Variants in KIF13B observed in about 807,000 individuals in gnomAD.
KIF13B encodes the protein kinesin family member 13B.
Under a neutral mutation model 222.0 loss-of-function variants are expected in KIF13B, and 127 were observed. The observed-to-expected ratio is 0.57, with a 90% confidence interval of 0.50 to 0.66. The LOEUF (loss-of-function observed/expected upper bound fraction) is 0.66, where lower values mean the gene tolerates loss of function less well. Ranked by LOEUF, KIF13B falls within the 30% of genes least tolerant of loss-of-function variation. KIF13B has a pLI of 0.00. For missense variants in KIF13B, 2,173 were observed against 2,379.0 expected, an observed-to-expected ratio of 0.91 and a Z score of 1.80; for synonymous variants, 976 against 919.0, an observed-to-expected ratio of 1.06 and a Z score of -1.12.
intron 37 of KIF13B, among the ~76,000 whole-genome samples, chr8:29,089,233 G>A (rs573544825): frequency 1.3e-5 from 2 of 152,146 alleles, no homozygotes; most frequent in South Asian, 2.1e-4. Flanking sequence ...AGGAGTTCAA[G>A]ACCAACCTGG....
In KIF13B at chr8:29,147,574, T is replaced by C. The variant is rs1586842138; in HGVS notation, c.1842A>G (p.Leu614=). The C allele has an allele frequency of 2.5e-6, 4 of 1,613,186 alleles. No individual in the cohort carries two copies. The highest frequency in any genetic ancestry group is 3.4e-6 in the Non-Finnish European group (4 of 1,179,672). The change falls in exon 17 of 40, where the codon TTA becomes TTG. Residue 614 remains leucine (L), a synonymous_variant. Transcript: ENST00000524189. The part of the protein sequence containing the change: ...NDPMQSILNS[L]EQQHEEEKRS... The stretch of plus-strand genomic sequence containing the variant: ...GTTTTTCTTCTTCATGCTGTTGTTC[T>C]AAGCTGTTTAATATGGACTGCATCG...
In KIF13B at chr8:29,241,083, A is replaced by G. The variant is rs1485817180; in HGVS notation, c.149+4263T>C. ...CCATCAACTGATGAATGGATAAACA[A>G]AATGTGATACAACAGACTATTATTT... On this transcript the variant is annotated intron_variant, in intron 2 of 39. Coordinates refer to ENST00000524189, the MANE Select transcript of KIF13B (RefSeq NM_015254.4). Among the ~76,000 whole-genome samples the G allele has an allele frequency of 2.0e-5, 3 of 152,254 alleles. No homozygotes were observed. The East Asian group carries it at 5.8e-4, about 29-fold the overall frequency.
At chr8:29,205,112 C>T (rs1813870336) in intron 2 of KIF13B, among the ~76,000 whole-genome samples, 1 of 151,962 alleles carries the variant, frequency 6.6e-6, no homozygotes, top group Non-Finnish European at 1.5e-5. Flanking sequence ...TCGCTTCAGC[C>T]CAGGAGATGG....
At chr8:29,131,944 T>A (rs1041205360) in intron 23 of KIF13B, among the ~76,000 whole-genome samples, 4 of 152,182 alleles carry the variant, frequency 2.6e-5, no homozygotes, top group African/African-American at 9.7e-5. Flanking sequence ...TAGCAATTTT[T>A]AAAAATTATA....
chr8:29,243,064 C>T (rs760131729), intron 2 of KIF13B, among the ~76,000 whole-genome samples: 5 of 152,146 alleles, frequency 3.3e-5, no homozygotes, highest in South Asian at 2.1e-4. Flanking sequence ...ATGTAGTAAC[C>T]GGTCGGGTGT....
intron 22 of KIF13B, among the ~76,000 whole-genome samples, chr8:29,133,010 A>G (rs1026210079): frequency 2.0e-5 from 3 of 152,238 alleles, no homozygotes; most frequent in Non-Finnish European, 4.4e-5. Flanking sequence ...ACAGTTTATT[A>G]AAGAAATCAC....
At chr8:29,190,905 T>TC in intron 4 of KIF13B, 92 bp downstream of exon 4, 1 of 927,614 alleles carries the variant, frequency 1.1e-6, no homozygotes, top group Non-Finnish European at 1.8e-6. Context: ...AACACACAGT[T>TC]TGGGGGGTTT....
chr8:29,135,765 C>T (rs1810525211), intron 21 of KIF13B, among the ~76,000 whole-genome samples: 1 of 152,180 alleles, frequency 6.6e-6, no homozygotes, highest in Non-Finnish European at 1.5e-5. Flanking sequence ...TGTGGTGGCA[C>T]ATGCCTGTAG....
rs71222593 is a variant in KIF13B, at chr8:29,136,585, A to AAATT, written c.2614-2379_2614-2376dup. ...GCAACAAGAGCGAAACTCCGCTCAAAAATTAATTAATTAATTAATTAATTA... is the reference window on the plus strand; with the variant it reads ...GCAACAAGAGCGAAACTCCGCTCAAAAATTAATTAATTAATTAATTAATTAATTA... On this transcript the variant is annotated intron_variant, in intron 21 of 39. Transcript: ENST00000524189. Among the ~76,000 whole-genome samples the AAATT allele has an allele frequency of 3.1e-3, 462 of 151,256 alleles. 2 individuals are homozygous for AAATT. Among genetic ancestry groups the AAATT allele is most frequent in the African/African-American group, 9.9e-3 (407 of 41,160 alleles).
intron 37 of KIF13B, among the ~76,000 whole-genome samples, chr8:29,080,541 G>A (rs961882194): frequency 6.6e-6 from 1 of 152,160 alleles, no homozygotes; most frequent in African/African-American, 2.4e-5. Context: ...CACCCTGTGC[G>A]CCTGGAGGCT....
intron 8 of KIF13B, 108 bp downstream of exon 8, chr8:29,179,996 A>T: frequency 8.0e-7 from 1 of 1,244,212 alleles, no homozygotes; most frequent in Non-Finnish European, 1.1e-6. Flanking sequence ...CCTCATTGAT[A>T]CACAAGTCTA....
chr8:29,071,359 C>A lies in KIF13B; in HGVS notation c.5218+261G>T, dbSNP rs947359787. ...AGGGCAGGGGAGACCGGAACAAAAG[C>A]GGGAACAGCCATGGCGATGGGGGGA... On this transcript the variant is annotated intron_variant, in intron 39 of 39. Transcript: ENST00000524189. The surrounding 1 kb of genome is among the most constrained non-coding windows in gnomAD (Gnocchi z 4.9). Among the ~76,000 whole-genome samples the A allele has an allele frequency of 2.0e-5, 3 of 152,202 alleles. No homozygotes were observed. In the East Asian group the frequency reaches 5.8e-4, roughly 29 times the overall value.
At position 29,179,682 on chromosome 8, in the gene KIF13B, G is replaced by C. The variant is rs1041382519; in HGVS notation, c.720+422C>G. ...TCTTTCTGCTGGCAGCGGGACTGGG[G>C]AAATGCAAGCACATTCTCCAGGTTC... On this transcript the variant is annotated intron_variant, in intron 8 of 39. Coordinates refer to ENST00000524189, the MANE Select transcript of KIF13B (RefSeq NM_015254.4). Among the ~76,000 whole-genome samples the C allele has an allele frequency of 3.9e-5, 6 of 152,314 alleles. No individual in the cohort carries two copies. In the East Asian group the frequency reaches 1.2e-3, roughly 29 times the overall value.
Position 29,228,472 on chromosome 8 carries a change from A to AAAAAATATATATATAT in KIF13B, c.149+16873_149+16874insATATATATATATTTTT. Reference sequence around the variant, plus strand: ...ACAGAGCCAGACTCCATCTTAAAAAAATATATATATATATATATGAGATAC... The same window carrying AAAAAATATATATATAT: ...ACAGAGCCAGACTCCATCTTAAAAAAAAAAATATATATATATATATATATATATATATATGAGATAC... On this transcript the variant is annotated intron_variant, in intron 2 of 39. Coordinates refer to ENST00000524189, the MANE Select transcript of KIF13B (RefSeq NM_015254.4). Among the ~76,000 whole-genome samples the AAAAAATATATATATAT allele has an allele frequency of 4.1e-3, 483 of 117,052 alleles. 13 individuals carry two copies. Among genetic ancestry groups the AAAAAATATATATATAT allele is most frequent in the Middle Eastern group, 0.018 (4 of 228 alleles). The allele number at this position is 117,052 out of a possible 152,430, so 76.8% of individuals were successfully genotyped here.
intron 37 of KIF13B, among the ~76,000 whole-genome samples, chr8:29,081,564 T>C (rs1280973508): frequency 6.6e-6 from 1 of 152,216 alleles, no homozygotes; most frequent in Admixed American, 6.5e-5. Context: ...AATACACACC[T>C]GATTTCAAGG....
In KIF13B at chr8:29,155,732, T is replaced by C. The variant is rs370108872; in HGVS notation, c.1529A>G (p.Asn510Ser). 5.0e-6 allele frequency: 8 copies of C among 1,604,978 alleles called. No homozygotes were observed. Among genetic ancestry groups the C allele is most frequent in the South Asian group, 1.1e-5 (1 of 89,066 alleles). ...ACTAATTCAAGTATGTTACCTGGTGTTCTTCTGAGGAGTCAGCATAACCTG... is the reference window on the plus strand; with the variant it reads ...ACTAATTCAAGTATGTTACCTGGTGCTCTTCTGAGGAGTCAGCATAACCTG... ...EGQVMLTPQK[N>S]TRTFVNGSSV... Residue 510 changes from asparagine (N) to serine (S), a missense_variant, in exon 14 of 40, where the codon AAC becomes AGC. Transcript: ENST00000524189.
chr8:29,119,145 A>G (rs1478146110), intron 29 of KIF13B, among the ~76,000 whole-genome samples, 153 bp from the exon 30 acceptor site: 1 of 152,210 alleles, frequency 6.6e-6, no homozygotes, highest in Non-Finnish European at 1.5e-5. Flanking sequence ...TGACCACTTA[A>G]AAGTTCACAG....
At chr8:29,142,037 C>A (rs934785289) in intron 19 of KIF13B, 120 bp downstream of exon 19, 2 of 669,312 alleles carry the variant, frequency 3.0e-6, no homozygotes, top group Non-Finnish European at 4.9e-6. Context: ...ATAAACCTTA[C>A]TCCAGAAATA....
intron 21 of KIF13B, among the ~76,000 whole-genome samples, chr8:29,139,784 A>AC (rs1208165466): frequency 6.9e-6 from 1 of 144,650 alleles, no homozygotes; most frequent in Non-Finnish European, 1.5e-5. Context: ...TTTTATAAGA[A>AC]CTGTTCCTGC....
Sources: gnomAD v4.1 joint callset for allele counts (sites outside exome capture counted in the v4.1 genomes callset) on GRCh38, gnomAD v4.1.1 for gene constraint, Gnocchi (gnomAD v3.1) non-coding constraint, MANE v1.5 for transcripts, NCBI Gene and HGNC (gene_info 2026-07-23, HGNC 2026-07-21) for gene names.